The following CAPN8 variants were observed in gnomAD, a reference collection of about 807,000 sequenced individuals.
CAPN8 encodes calpain 8, also known as calpain-8.
Under a neutral mutation model 80.9 loss-of-function variants are expected in CAPN8, and 87 were observed. The observed-to-expected ratio is 1.07, with a 90% CI of 0.90 to 1.28. CAPN8 has a LOEUF of 1.28. Ranked by LOEUF, CAPN8 falls within the 50% of genes most tolerant of loss-of-function variation. CAPN8 has a pLI of 0.00. For missense variants in CAPN8, 757 were observed against 702.0 expected, an observed-to-expected ratio of 1.08 and a Z score of -0.89; for synonymous variants, 299 against 273.8, an observed-to-expected ratio of 1.09 and a Z score of -0.91.
chr1:223,548,078 C>G (rs145616626), intron 16 of CAPN8, among the ~76,000 whole-genome samples: 96 of 152,252 alleles, frequency 6.3e-4, no homozygotes, highest in African/African-American at 2.0e-3. Flanking sequence ...TCATCCAGGA[C>G]CACTCTGCAT....
At chr1:223,558,091 G>A in intron 13 of CAPN8, 40 bp downstream of exon 13, 1 of 398,620 alleles carries the variant, frequency 2.5e-6, no homozygotes, top group South Asian at 1.3e-4. Context: ...TGACTGCTAT[G>A]CAACAGTGTC....
At chr1:223,544,285 C>G (rs1408747565) in intron 18 of CAPN8, 102 bp from the exon 19 acceptor site, 2 of 652,326 alleles carry the variant, frequency 3.1e-6, no homozygotes, top group African/African-American at 3.6e-5. Context: ...CTCTGTGGTT[C>G]TGTATCAATC....
chr1:223,634,636 A>T (rs1180884165), intron 2 of CAPN8, among the ~76,000 whole-genome samples: 1 of 152,328 alleles, frequency 6.6e-6, no homozygotes, highest in Admixed American at 6.5e-5. Context: ...CAGAGTTGAT[A>T]TGTGGCAAGA....
In CAPN8 at chr1:223,541,774, A is replaced by G. The variant is rs1425182438; in HGVS notation, c.*62T>C. On this transcript the variant is annotated 3_prime_UTR_variant, in exon 21 of 21. Transcript: ENST00000366872. ...AGCATAAATGTTCACAAAATTGTAG[A>G]GAAGGGGTGACAAGAAGCAAGCAGT... The G allele has an allele frequency of 6.4e-6, 10 of 1,551,120 alleles. No homozygotes were observed. Among genetic ancestry groups the G allele is most frequent in the African/African-American group, 1.4e-5 (1 of 73,038 alleles).
intron 4 of CAPN8, among the ~76,000 whole-genome samples, chr1:223,627,768 G>C (rs1657633379): frequency 6.6e-6 from 1 of 152,216 alleles, no homozygotes; most frequent in African/African-American, 2.4e-5. Flanking sequence ...GAGGGGCAGG[G>C]AGGCTGGCCC....
At chr1:223,628,890 T>A (rs549982719) in intron 2 of CAPN8, 110 bp from the exon 3 acceptor site, 10 of 784,370 alleles carry the variant, frequency 1.3e-5, no homozygotes, top group Non-Finnish European at 1.6e-5. Context: ...CATTCCCTTC[T>A]GAGTCAGGTA....
intron 14 of CAPN8, among the ~76,000 whole-genome samples, chr1:223,552,016 G>C (rs1572224067): frequency 6.6e-6 from 1 of 152,202 alleles, no homozygotes; most frequent in African/African-American, 2.4e-5. Flanking sequence ...CTCAGATGGA[G>C]AGCAGATCTC....
At chr1:223,645,576 G>T (rs1055886639) in intron 2 of CAPN8, among the ~76,000 whole-genome samples, 7 of 152,182 alleles carry the variant, frequency 4.6e-5, no homozygotes, top group Non-Finnish European at 7.3e-5. Flanking sequence ...ACCACTCCAG[G>T]CATTGCCCTG....
chr1:223,550,298 G>A (rs1158360245), intron 15 of CAPN8, among the ~76,000 whole-genome samples: 2 of 152,188 alleles, frequency 1.3e-5, no homozygotes, highest in African/African-American at 4.8e-5. Flanking sequence ...CTTGGCTCCT[G>A]GGCCAAGCCC....
intron 2 of CAPN8, among the ~76,000 whole-genome samples, chr1:223,650,670 C>T (rs1001338949): frequency 2.0e-5 from 3 of 151,926 alleles, no homozygotes; most frequent in South Asian, 2.1e-4. Context: ...AACCAGGCTC[C>T]AAAGCCAACA....
At chr1:223,638,065 T>G (rs535505697) in intron 2 of CAPN8, among the ~76,000 whole-genome samples, 17 of 152,270 alleles carry the variant, frequency 1.1e-4, no homozygotes, top group African/African-American at 3.6e-4. Flanking sequence ...TTCAACCAAC[T>G]GCAGGTTGAA....
chr1:223,616,390 C>G (rs758382545), intron 9 of CAPN8, among the ~76,000 whole-genome samples: 20 of 152,184 alleles, frequency 1.3e-4, no homozygotes, highest in Non-Finnish European at 2.4e-4. Flanking sequence ...TCCATTTGAT[C>G]AACGAGGAGC....
chr1:223,661,660 A>T (rs989013436), intron 1 of CAPN8, among the ~76,000 whole-genome samples: 7 of 152,128 alleles, frequency 4.6e-5, no homozygotes, highest in Non-Finnish European at 7.4e-5. Flanking sequence ...ATGAAAGAAA[A>T]TAACAAACAT....
At chr1:223,620,077 C>A in intron 8 of CAPN8, 115 bp downstream of exon 8, 1 of 850,220 alleles carries the variant, frequency 1.2e-6, no homozygotes. Flanking sequence ...AATGAATTCA[C>A]CATGATCAGG....
At chr1:223,635,573 G>T (rs1322946000) in intron 2 of CAPN8, among the ~76,000 whole-genome samples, 1 of 151,936 alleles carries the variant, frequency 6.6e-6, no homozygotes, top group African/African-American at 2.4e-5. Flanking sequence ...TCACCTCAGT[G>T]TAATTGTATC....
Position 223,609,135 on chromosome 1 carries a change from G to A in CAPN8, c.1535+18C>T, listed in dbSNP as rs1329757227. On this transcript the variant is annotated intron_variant, in intron 12 of 20. Coordinates refer to ENST00000366872, the MANE Select transcript of CAPN8 (RefSeq NM_001143962.2). ...CCCACAGACAACTGTTCCCCACCACGGAGGGAAGGAGACGCACAGGGCCTG... is the reference window on the plus strand; with the variant it reads ...CCCACAGACAACTGTTCCCCACCACAGAGGGAAGGAGACGCACAGGGCCTG... 3.3e-5 allele frequency: 13 copies of A among 398,226 alleles called. No homozygotes were observed. The highest frequency in any genetic ancestry group is 1.8e-4 in the East Asian group (5 of 27,996). The allele number at this position is 398,226 out of a possible 1,614,324, so 24.7% of individuals were successfully genotyped here.
intron 2 of CAPN8, among the ~76,000 whole-genome samples, chr1:223,631,081 G>A (rs76246488): frequency 0.06 from 9,116 of 152,044 alleles, 346 homozygotes; most frequent in Middle Eastern, 0.095. Context: ...TACACTCTCC[G>A]CTATGAATCT....
intron 2 of CAPN8, among the ~76,000 whole-genome samples, chr1:223,632,406 G>A (rs867312339): frequency 1.4e-5 from 2 of 143,704 alleles, no homozygotes; most frequent in African/African-American, 2.6e-5. Flanking sequence ...ACAAGGTCTC[G>A]CTCTGTTGCC....
rs563351046 is a variant in CAPN8, at chr1:223,544,142, G to A, written c.1954C>T (p.Arg652Trp). Reference sequence around the variant, plus strand: ...ATGCCAAGCTTGCTGCACGCATACCGCAGGGCAATGGTCTGCTGCACCTGG... The same window carrying A: ...ATGCCAAGCTTGCTGCACGCATACCACAGGGCAATGGTCTGCTGCACCTGG... ...NSQVQQTIAL[R>W]YACSKLGINF... The change falls in exon 19 of 21, where the codon CGG becomes TGG. Residue 652 changes from arginine to tryptophan, a missense_variant. Coordinates refer to ENST00000366872, the MANE Select transcript of CAPN8 (RefSeq NM_001143962.2). The A allele has an allele frequency of 2.8e-5, 20 of 718,262 alleles. No homozygotes were observed. The East Asian group carries it at 3.5e-4, about 13-fold the overall frequency. 44.5% of individuals were successfully genotyped at this position (718,262 alleles called of 1,614,324 possible).
Sources: allele counts gnomAD v4.1 joint callset (sites outside exome capture counted in the v4.1 genomes callset), GRCh38; gene constraint gnomAD v4.1.1; transcripts MANE v1.5; gene names NCBI Gene and HGNC (gene_info 2026-07-23, HGNC 2026-07-21).